Variants in ZC3H3 observed in about 807,000 individuals in gnomAD.
ZC3H3 encodes the protein zinc finger CCCH domain-containing protein 3.
ZC3H3 carries 36 observed loss-of-function variants against 77.3 expected under a neutral mutation model. That is an observed-to-expected ratio of 0.47 (90% CI 0.36 to 0.61). The LOEUF (loss-of-function observed/expected upper bound fraction) is 0.61, where lower values mean the gene tolerates loss of function less well. ZC3H3 is among the 20% of genes least tolerant of loss of function. The probability of loss-of-function intolerance (pLI) is 0.00; values close to 1 mark genes in which losing one functional copy is unlikely to be tolerated. For synonymous variants in ZC3H3, 626 were observed against 555.2 expected (o/e 1.13, Z -1.79); for missense variants, 1,331 against 1,312.2 (o/e 1.01, Z -0.22).
intron 4 of ZC3H3, among the ~76,000 whole-genome samples, chr8:143,495,894 G>A (rs1316224725): frequency 6.6e-6 from 1 of 151,824 alleles, no homozygotes; most frequent in African/African-American, 2.4e-5. Context: ...AAGCCACTGC[G>A]CCTGGTGATT....
At chr8:143,467,246 G>A (rs1054414442) in intron 8 of ZC3H3, among the ~76,000 whole-genome samples, 3 of 152,166 alleles carry the variant, frequency 2.0e-5, no homozygotes, top group African/African-American at 4.8e-5. Context: ...CCTCTTGGCT[G>A]TCAGAGCGGG....
intron 5 of ZC3H3, 22 bp downstream of exon 5, chr8:143,475,376 C>T (rs371499327): frequency 4.4e-5 from 70 of 1,599,062 alleles, no homozygotes; most frequent in African/African-American, 8.1e-5. Context: ...CATCTCCCAG[C>T]GCCCCCGCCC....
chr8:143,443,363 A>G (rs959668502), intron 9 of ZC3H3, among the ~76,000 whole-genome samples: 1 of 151,960 alleles, frequency 6.6e-6, no homozygotes, highest in Non-Finnish European at 1.5e-5. Flanking sequence ...GGAAGAAAAT[A>G]TACAAGGAAA....
rs369147302 is a variant in ZC3H3, at chr8:143,476,646, G to C, written c.1716-1061C>G. Among the ~76,000 whole-genome samples the C allele has an allele frequency of 1.5e-4, 23 of 152,372 alleles. 1 individual carries two copies. The highest frequency in any genetic ancestry group is 9.6e-4 in the East Asian group (5 of 5,188). On this transcript the variant is annotated intron_variant, in intron 4 of 11. Transcript: ENST00000262577. ...CTCTGCTCAAGCTGCCATGACCCCTGAGGTGGATACCACACCCCCAGCAAA... is the reference window on the plus strand; with the variant it reads ...CTCTGCTCAAGCTGCCATGACCCCTCAGGTGGATACCACACCCCCAGCAAA...
intron 5 of ZC3H3, among the ~76,000 whole-genome samples, chr8:143,470,520 A>G (rs1022279270): frequency 6.6e-6 from 1 of 152,144 alleles, no homozygotes; most frequent in Non-Finnish European, 1.5e-5. Context: ...ACGCCCTCAC[A>G]CCTGCCAGCC....
At chr8:143,523,861 G>A (rs11993277) in intron 3 of ZC3H3, among the ~76,000 whole-genome samples, 2,393 of 152,364 alleles carry the variant, frequency 0.016, 74 homozygotes, top group African/African-American at 0.055. Flanking sequence ...GGGGCCGCAG[G>A]ATGATGGAGA....
intron 3 of ZC3H3, among the ~76,000 whole-genome samples, chr8:143,532,845 C>T (rs887706904): frequency 1.4e-4 from 21 of 152,340 alleles, no homozygotes; most frequent in African/African-American, 4.6e-4. Context: ...GCCCTGGCCA[C>T]GCCCACCTCC....
At chr8:143,471,247 G>A (rs1820554161) in intron 5 of ZC3H3, among the ~76,000 whole-genome samples, 1 of 152,256 alleles carries the variant, frequency 6.6e-6, no homozygotes, top group South Asian at 2.1e-4. Context: ...GGCCCTCCAG[G>A]GCACGTCCGT....
chr8:143,454,182 A>T (rs1417160365), intron 9 of ZC3H3, among the ~76,000 whole-genome samples: 2 of 149,946 alleles, frequency 1.3e-5, no homozygotes, highest in Non-Finnish European at 3.0e-5. Flanking sequence ...CCCGGGTTCA[A>T]GCAATTCTCC....
chr8:143,463,750 G>C (rs1271838428), intron 9 of ZC3H3, among the ~76,000 whole-genome samples: 2 of 152,202 alleles, frequency 1.3e-5, no homozygotes, highest in Admixed American at 1.3e-4. Flanking sequence ...GCGTCTCCGG[G>C]TCTGGGCAGG....
intron 3 of ZC3H3, among the ~76,000 whole-genome samples, chr8:143,528,466 G>A (rs1341473922): frequency 4.6e-5 from 7 of 152,194 alleles, no homozygotes; most frequent in Non-Finnish European, 1.0e-4. Flanking sequence ...CCAGCCTCCC[G>A]GGGAGATCGC....
chr8:143,487,742 G>C (rs145563939), intron 4 of ZC3H3, among the ~76,000 whole-genome samples: 190 of 12,710 alleles, frequency 0.015, 3 homozygotes, highest in East Asian at 0.033. Flanking sequence ...ACGAAGCTCA[G>C]ACACAGAACA....
intron 9 of ZC3H3, among the ~76,000 whole-genome samples, chr8:143,457,791 C>A (rs1185229147): frequency 3.9e-5 from 6 of 152,098 alleles, no homozygotes; most frequent in Admixed American, 1.3e-4. Context: ...TGCTTGAGCC[C>A]AGGAGGTTGA....
At chr8:143,443,434 C>T (rs1178952937) in intron 9 of ZC3H3, among the ~76,000 whole-genome samples, 1 of 152,084 alleles carries the variant, frequency 6.6e-6, no homozygotes, top group Non-Finnish European at 1.5e-5. Context: ...CTCATGTTCA[C>T]TAATGAAAAA....
chr8:143,454,993 G>A lies in ZC3H3; in HGVS notation c.2307+10724C>T, dbSNP rs1394983512. Among the ~76,000 whole-genome samples the A allele has an allele frequency of 1.3e-5, 2 of 151,844 alleles. 1 individual carries two copies. The highest frequency in any genetic ancestry group is 3.9e-4 in the East Asian group (2 of 5,180). ...AGAAGCTGTAAAATGCTTCCTTTAG[G>A]TAAAAAGGTCAAAGTTCTCAACTTC... On this transcript the variant is annotated intron_variant, in intron 9 of 11. Coordinates refer to ENST00000262577, the MANE Select transcript of ZC3H3 (RefSeq NM_015117.3).
intron 9 of ZC3H3, among the ~76,000 whole-genome samples, chr8:143,441,725 A>G: frequency 6.6e-6 from 1 of 152,132 alleles, no homozygotes; most frequent in East Asian, 1.9e-4. Context: ...GGAAACACAA[A>G]GAGGCTGCCC....
At chr8:143,537,468 G>A (rs1822839286) in intron 2 of ZC3H3, among the ~76,000 whole-genome samples, 1 of 152,142 alleles carries the variant, frequency 6.6e-6, no homozygotes, top group African/African-American at 2.4e-5. Flanking sequence ...GCAAAGGCCA[G>A]GCCTCCTGGA....
At chr8:143,511,077 C>T (rs1344613675) in intron 3 of ZC3H3, among the ~76,000 whole-genome samples, 9 of 152,256 alleles carry the variant, frequency 5.9e-5, no homozygotes, top group African/African-American at 2.4e-5. Flanking sequence ...GAGATATGAG[C>T]CCATCCATCA....
intron 4 of ZC3H3, among the ~76,000 whole-genome samples, chr8:143,483,517 G>A (rs558826704): frequency 6.6e-6 from 1 of 152,254 alleles, no homozygotes; most frequent in African/African-American, 2.4e-5. Context: ...CTCATGGGAG[G>A]GGCCCAAGCT....
Sources: allele counts gnomAD v4.1 joint callset (sites outside exome capture counted in the v4.1 genomes callset), GRCh38; gene constraint gnomAD v4.1.1; transcripts MANE v1.5; gene names NCBI Gene and HGNC (gene_info 2026-07-23, HGNC 2026-07-21).